PPARGC1A: variants seen among roughly 807,000 people sequenced by gnomAD.
PPARGC1A encodes the protein PPARG coactivator 1 alpha, also known as peroxisome proliferator-activated receptor gamma coactivator 1-alpha.
Under a neutral mutation model 88.7 loss-of-function variants are expected in PPARGC1A, and 25 were observed. That is an observed-to-expected ratio of 0.28 (90% CI 0.21 to 0.39). The LOEUF (loss-of-function observed/expected upper bound fraction) is 0.39, where lower values mean the gene tolerates loss of function less well. Ranked by LOEUF, PPARGC1A falls within the 10% of genes least tolerant of loss-of-function variation. The pLI, the probability that PPARGC1A is intolerant of heterozygous loss-of-function variation, is 1.00. For missense variants in PPARGC1A, 880 were observed against 968.7 expected (o/e 0.91, Z 1.22); for synonymous variants, 363 against 355.6 (o/e 1.02, Z -0.24).
chr4:24,122,416 C>CATGTAT, the PPARGC1A span, among the ~76,000 whole-genome samples: 1 of 128,034 alleles, frequency 7.8e-6, no homozygotes, highest in African/African-American at 2.9e-5. Flanking sequence ...TGTGTGTGTG[C>CATGTAT]ATATATATAT....
chr4:23,852,375 G>A (rs904750318), intron 2 of PPARGC1A, among the ~76,000 whole-genome samples: 2 of 152,100 alleles, frequency 1.3e-5, no homozygotes, highest in African/African-American at 4.8e-5. Flanking sequence ...GATTTGAGGA[G>A]GAGCTGATCA....
chr4:23,844,913 G>T (rs1728036620), intron 2 of PPARGC1A, among the ~76,000 whole-genome samples: 1 of 140,720 alleles, frequency 7.1e-6, no homozygotes, highest in African/African-American at 2.7e-5. Context: ...GAGAAAAAAA[G>T]AGGTAGCATT....
chr4:23,829,455 A>T lies in PPARGC1A; in HGVS notation c.552+8T>A, dbSNP rs1560392741. 1 of 1,612,498 alleles carries T rather than the reference A, an allele frequency of 6.2e-7. No individual in the cohort carries two copies. Among genetic ancestry groups the T allele is most frequent in the Non-Finnish European group, 8.5e-7 (1 of 1,178,924 alleles). On this transcript the variant is annotated splice_region_variant and intron_variant, in intron 4 of 12. Transcript: ENST00000264867. ...ATCCCCCCTGTATTAAAAAATTTACATTTGTACCTTAACAATTGCAGGGTT... is the reference window on the plus strand; with the variant it reads ...ATCCCCCCTGTATTAAAAAATTTACTTTTGTACCTTAACAATTGCAGGGTT...
upstream of PPARGC1A, among the ~76,000 whole-genome samples, chr4:23,890,814 A>G (rs1717748885): frequency 6.6e-6 from 1 of 151,918 alleles, no homozygotes; most frequent in South Asian, 2.1e-4. Context: ...AATTATTTCC[A>G]TTTCTCTCAT....
At chr4:24,024,224 G>C in the PPARGC1A span, among the ~76,000 whole-genome samples, 1 of 152,138 alleles carries the variant, frequency 6.6e-6, no homozygotes, top group Non-Finnish European at 1.5e-5. Context: ...CCACTTCCTT[G>C]CCCAGACATT....
the PPARGC1A span, among the ~76,000 whole-genome samples, chr4:24,190,037 C>A: frequency 3.9e-5 from 6 of 152,072 alleles, no homozygotes; most frequent in African/African-American, 1.5e-4. Flanking sequence ...AGGTTATCTC[C>A]CAGGTAGCAT....
chr4:24,359,161 C>A, the PPARGC1A span, among the ~76,000 whole-genome samples: 1 of 152,196 alleles, frequency 6.6e-6, no homozygotes, highest in East Asian at 1.9e-4. Context: ...GGGAATAGAA[C>A]AATGGCTGCT....
chr4:24,284,495 T>C, the PPARGC1A span, among the ~76,000 whole-genome samples: 6 of 152,204 alleles, frequency 3.9e-5, no homozygotes. Flanking sequence ...GAAATCAATT[T>C]AAAATGGACA....
chr4:23,811,854 C>T (rs1373499221), intron 10 of PPARGC1A, among the ~76,000 whole-genome samples: 3 of 144,602 alleles, frequency 2.1e-5, no homozygotes, highest in African/African-American at 7.8e-5. Context: ...TGTCAATTAC[C>T]CAGTTAGATG....
At chr4:23,921,542 A>G in the PPARGC1A span, among the ~76,000 whole-genome samples, 1 of 152,210 alleles carries the variant, frequency 6.6e-6, no homozygotes, top group South Asian at 2.1e-4. Flanking sequence ...CCCCAGGCAC[A>G]CTGAACACCA....
At chr4:23,820,573 G>T in intron 7 of PPARGC1A, 1 of 415,650 alleles carries the variant, frequency 2.4e-6, no homozygotes, top group Non-Finnish European at 4.9e-6. Flanking sequence ...TCTGCCAAAA[G>T]AGCATTCTCT....
At chr4:23,833,131 C>A (rs1032320107) in intron 2 of PPARGC1A, among the ~76,000 whole-genome samples, 1 of 152,118 alleles carries the variant, frequency 6.6e-6, no homozygotes, top group Non-Finnish European at 1.5e-5. Context: ...AAGGGAAGAA[C>A]CTGTAAACAA....
intron 10 of PPARGC1A, 59 bp from the exon 11 acceptor site, chr4:23,802,404 G>A: frequency 3.1e-6 from 5 of 1,605,144 alleles, no homozygotes; most frequent in South Asian, 1.1e-5. Flanking sequence ...CCTCGGCCGG[G>A]CACAGTGGCT....
At chr4:24,011,847 T>C in the PPARGC1A span, among the ~76,000 whole-genome samples, 2 of 152,218 alleles carry the variant, frequency 1.3e-5, no homozygotes, top group Non-Finnish European at 2.9e-5. Context: ...TAATTTATTC[T>C]GGAGGTTACT....
At chr4:24,359,305 C>G in the PPARGC1A span, among the ~76,000 whole-genome samples, 1 of 152,206 alleles carries the variant, frequency 6.6e-6, no homozygotes. Context: ...AACTTCTCTT[C>G]AGAACATACA....
At chr4:24,066,780 T>C in the PPARGC1A span, among the ~76,000 whole-genome samples, 1 of 152,080 alleles carries the variant, frequency 6.6e-6, no homozygotes, top group Non-Finnish European at 1.5e-5. Context: ...GAGATTGAAC[T>C]AGTCTATCTT....
the PPARGC1A span, among the ~76,000 whole-genome samples, chr4:24,466,942 GAAAAAGAA>G: frequency 3.1e-5 from 4 of 129,832 alleles, no homozygotes; most frequent in Non-Finnish European, 6.5e-5. Flanking sequence ...GGGAGAGAAA[GAAAAAGAA>G]AAAAAGAAAG....
chr4:24,324,305 G>A, the PPARGC1A span, among the ~76,000 whole-genome samples: 19 of 151,954 alleles, frequency 1.3e-4, no homozygotes, highest in Admixed American at 9.8e-4. Flanking sequence ...GGCAAGTCCC[G>A]CTTCCCTAGG....
chr4:24,257,111 G>A, the PPARGC1A span, among the ~76,000 whole-genome samples: 24 of 152,218 alleles, frequency 1.6e-4, no homozygotes, highest in Admixed American at 9.8e-4. Context: ...GAGATACATC[G>A]AGGTTGGATT....
Sources: allele counts gnomAD v4.1 joint callset (sites outside exome capture counted in the v4.1 genomes callset), GRCh38; gene constraint gnomAD v4.1.1; transcripts MANE v1.5; gene names NCBI Gene and HGNC (gene_info 2026-07-23, HGNC 2026-07-21).